Variants in ATP11B observed in about 807,000 individuals in gnomAD.
ATP11B encodes the protein ATPase phospholipid transporting 11B (putative).
A neutral mutation model predicts 157.8 loss-of-function variants in ATP11B; 81 were observed. The ratio of observed to expected loss-of-function variants is 0.51; its 90% CI spans 0.43 to 0.62. The LOEUF (loss-of-function observed/expected upper bound fraction) is 0.62, where lower values mean the gene tolerates loss of function less well. Among genes scored for constraint, ATP11B ranks in the 20% least tolerant of loss-of-function variants. The pLI, the probability that ATP11B is intolerant of heterozygous loss-of-function variation, is 0.00. For synonymous variants in ATP11B, 451 were observed against 469.4 expected, an observed-to-expected ratio of 0.96 and a Z score of 0.51; for missense variants, 1,165 against 1,402.2, an observed-to-expected ratio of 0.83 and a Z score of 2.70.
chr3:182,797,133 C>T (rs1715665617), intron 1 of ATP11B, among the ~76,000 whole-genome samples: 1 of 152,158 alleles, frequency 6.6e-6, no homozygotes, highest in Non-Finnish European at 1.5e-5. Flanking sequence ...ATAACAATTC[C>T]ACTTAAGCTT....
In ATP11B at chr3:182,884,662, G is replaced by A. The variant is rs1012196114; in HGVS notation, c.2510-91G>A. 14 of 1,317,198 alleles carry A rather than the reference G, an allele frequency of 1.1e-5. No homozygotes were observed. In the Admixed American group the frequency reaches 3.6e-4, roughly 34 times the overall value. The allele number at this position is 1,317,198 out of a possible 1,614,324, so 81.6% of individuals were successfully genotyped here. A position where few individuals can be genotyped will look rare whatever the true frequency, so the allele number is the denominator to read the frequency against. Reference sequence around the variant, plus strand: ...TAGGATTTAATGTTCCTAAGTGCATGTTCAACTATTATAAATAATTAAGAT... The same window carrying A: ...TAGGATTTAATGTTCCTAAGTGCATATTCAACTATTATAAATAATTAAGAT... On this transcript the variant is annotated intron_variant, in intron 21 of 29. Transcript: ENST00000323116.
At chr3:182,904,907 A>AG (rs1560128330) in intron 28 of ATP11B, among the ~76,000 whole-genome samples, 1 of 123,582 alleles carries the variant, frequency 8.1e-6, no homozygotes, top group Non-Finnish European at 1.7e-5. Context: ...AAAAAAAAAA[A>AG]AAAAAGGATT....
chr3:182,874,976 A>T (rs1721925307), intron 19 of ATP11B, among the ~76,000 whole-genome samples: 2 of 152,142 alleles, frequency 1.3e-5, no homozygotes, highest in African/African-American at 4.8e-5. Flanking sequence ...CCAACCCCTG[A>T]TCTAGTTTGC....
rs572903097 is a variant in ATP11B, at chr3:182,822,124, A to T, written c.144+1748A>T. Among the ~76,000 whole-genome samples the T allele has an allele frequency of 2.9e-3, 439 of 148,898 alleles. 3 individuals carry two copies. The highest frequency in any genetic ancestry group is 2.6e-3 in the Non-Finnish European group (176 of 67,176). On this transcript the variant is annotated intron_variant, in intron 2 of 29. Transcript: ENST00000323116. ...TGACACAGTTCTTTTTTTTTTTTTT[A>T]AATTATTATTATACTTTAAGTTCTA...
rs376181139 is a variant in ATP11B, at chr3:182,857,890, A to G, written c.864A>G (p.Thr288=). The G allele has an allele frequency of 9.2e-6, 14 of 1,518,150 alleles. No homozygotes were observed. The highest frequency in any genetic ancestry group is 1.4e-5 in the African/African-American group (1 of 73,118). The allele number at this position is 1,518,150 out of a possible 1,614,324, so 94.0% of individuals were successfully genotyped here. A position where few individuals can be genotyped will look rare whatever the true frequency, so the allele number is the denominator to read the frequency against. ...KRSAVEKSMN[T]FLIIYLVILI... is the part of the protein sequence containing the mutation. ...TTTCTTCCTTAAGGTCAATGAATACATTTTTGATAATTTATCTAGTAATTC... is the reference window on the plus strand; with the variant it reads ...TTTCTTCCTTAAGGTCAATGAATACGTTTTTGATAATTTATCTAGTAATTC... Residue 288 remains threonine, a synonymous_variant, in exon 11 of 30, where the codon ACA becomes ACG. Transcript: ENST00000323116.
rs1725329990 is a variant in ATP11B, at chr3:182,919,456, GTC to G, written c.*1353_*1354del. ...TGAATTTATCAAGTAGTTCAGTATT[GTC>G]ATTTGTTTTTGTTTTATTGAAAAGT... On this transcript the variant is annotated 3_prime_UTR_variant, in exon 30 of 30. Coordinates refer to ENST00000323116, the MANE Select transcript of ATP11B (RefSeq NM_014616.3). The G allele has an allele frequency of 6.6e-6, 1 of 152,594 alleles. No individual in the cohort carries two copies. The highest frequency in any genetic ancestry group is 1.5e-5 in the Non-Finnish European group (1 of 68,016). The allele number at this position is 152,594 out of a possible 1,614,324, so 9.5% of individuals were successfully genotyped here.
chr3:182,818,916 T>TAA (rs759403280), intron 1 of ATP11B, among the ~76,000 whole-genome samples: 7 of 124,146 alleles, frequency 5.6e-5, no homozygotes, highest in Admixed American at 8.7e-5. Context: ...GACCACTATG[T>TAA]AAAAAAAAAA....
chr3:182,880,831 A>G (rs778012660), intron 20 of ATP11B, 48 bp from the exon 21 acceptor site: 7 of 1,259,154 alleles, frequency 5.6e-6, no homozygotes, highest in Admixed American at 2.4e-5. Flanking sequence ...TATGAATGCA[A>G]GAAAATTGAA....
In ATP11B at chr3:182,918,604, T is replaced by C. The variant is rs1725282575; in HGVS notation, c.*500T>C. 1 of 373,504 alleles carries C rather than the reference T, an allele frequency of 2.7e-6. No individual in the cohort carries two copies. Among genetic ancestry groups the C allele is most frequent in the African/African-American group, 2.1e-5 (1 of 48,132 alleles). 23.1% of individuals were successfully genotyped at this position (373,504 alleles called of 1,614,324 possible). On this transcript the variant is annotated 3_prime_UTR_variant, in exon 30 of 30. Transcript: ENST00000323116. ...AAAAGTTAATGTGAATACTGAGGAATTTTGGTCCCTCAGTGACCTGTGTTG... is the reference window on the plus strand; with the variant it reads ...AAAAGTTAATGTGAATACTGAGGAACTTTGGTCCCTCAGTGACCTGTGTTG...
intron 25 of ATP11B, among the ~76,000 whole-genome samples, chr3:182,891,646 A>G (rs1723184310): frequency 6.6e-6 from 1 of 152,212 alleles, no homozygotes; most frequent in South Asian, 2.1e-4. Flanking sequence ...AAAATCTTGA[A>G]CATTCTTTAT....
At chr3:182,808,335 A>G (rs1716452738) in intron 1 of ATP11B, among the ~76,000 whole-genome samples, 1 of 152,168 alleles carries the variant, frequency 6.6e-6, no homozygotes, top group South Asian at 2.1e-4. Context: ...TTGGTTTCTA[A>G]CTTAGATATG....
chr3:182,892,806 C>A (rs1723264199), intron 25 of ATP11B, among the ~76,000 whole-genome samples: 1 of 152,116 alleles, frequency 6.6e-6, no homozygotes, highest in Non-Finnish European at 1.5e-5. Flanking sequence ...GCCTGAGTTC[C>A]TGTCATGTGT....
chr3:182,866,909 A>AAT, intron 14 of ATP11B, among the ~76,000 whole-genome samples: 1 of 144,712 alleles, frequency 6.9e-6, no homozygotes, highest in Admixed American at 7.1e-5. Context: ...AATATATAAG[A>AAT]ATATATATAA....
At chr3:182,835,973 T>C in intron 4 of ATP11B, 62 bp from the exon 5 acceptor site, 7 of 1,400,066 alleles carry the variant, frequency 5.0e-6, no homozygotes, top group Non-Finnish European at 6.8e-6. Context: ...TTTTTTCTTA[T>C]TTGATAAAAG....
chr3:182,883,879 T>C lies in ATP11B; in HGVS notation c.2510-874T>C, dbSNP rs1255517594. Among the ~76,000 whole-genome samples the C allele has an allele frequency of 2.1e-4, 28 of 136,022 alleles. No homozygotes were observed. In the South Asian group the frequency reaches 5.5e-3, roughly 27 times the overall value. 89.2% of individuals were successfully genotyped at this position (136,022 alleles called of 152,430 possible). On this transcript the variant is annotated intron_variant, in intron 21 of 29. Coordinates refer to ENST00000323116, the MANE Select transcript of ATP11B (RefSeq NM_014616.3). ...CTGAGGCAGGAGAATGGCGTGAACC[T>C]GGGAGGCGGAGCTTGCAGTGAGCCG...
Position 182,919,077 on chromosome 3 carries a change from TTTAA to T in ATP11B, c.*977_*980del, listed in dbSNP as rs1168317575. The T allele has an allele frequency of 6.6e-6, 1 of 152,192 alleles. No homozygotes were observed. The highest frequency in any genetic ancestry group is 2.4e-5 in the African/African-American group (1 of 41,446). 9.4% of individuals were successfully genotyped at this position (152,192 alleles called of 1,614,324 possible). A position where few individuals can be genotyped will look rare whatever the true frequency, so the allele number is the denominator to read the frequency against. On this transcript the variant is annotated 3_prime_UTR_variant, in exon 30 of 30. Coordinates refer to ENST00000323116, the MANE Select transcript of ATP11B (RefSeq NM_014616.3). ...ACAGTATTTAAATATTGCAAATATG[TTTAA>T]TTATACAAATCAGAATAGTATGGGT...
intron 2 of ATP11B, among the ~76,000 whole-genome samples, chr3:182,825,405 T>A (rs975134233): frequency 2.6e-5 from 4 of 152,166 alleles, no homozygotes; most frequent in African/African-American, 9.7e-5. Flanking sequence ...CTGGCCATAG[T>A]AACTACATTA....
At chr3:182,875,957 T>A (rs2108554069) in intron 19 of ATP11B, among the ~76,000 whole-genome samples, 1 of 152,280 alleles carries the variant, frequency 6.6e-6, no homozygotes, top group South Asian at 2.1e-4. Context: ...TTTTAAATAT[T>A]TTTTTCTGGC....
chr3:182,816,244 T>G (rs1223047548), intron 1 of ATP11B, among the ~76,000 whole-genome samples: 2 of 152,232 alleles, frequency 1.3e-5, no homozygotes, highest in African/African-American at 2.4e-5. Context: ...ACTCTACTTT[T>G]TAGTAGACAT....
Sources: gnomAD v4.1 joint callset for allele counts (sites outside exome capture counted in the v4.1 genomes callset) on GRCh38, gnomAD v4.1.1 for gene constraint, MANE v1.5 for transcripts, NCBI Gene and HGNC (gene_info 2026-07-23, HGNC 2026-07-21) for gene names.